The following FEZF2 variants were observed in gnomAD, a reference collection of about 807,000 sequenced individuals.
FEZF2 encodes the protein FEZ family zinc finger 2, also known as fez family zinc finger protein 2.
In FEZF2, 2 loss-of-function variants were observed where a neutral mutation model predicts 32.8. That is an observed-to-expected ratio of 0.06 (90% CI 0.02 to 0.19). The LOEUF is 0.19. Among genes scored for constraint, FEZF2 ranks in the 10% least tolerant of loss-of-function variants. FEZF2 has a pLI of 1.00. For missense variants in FEZF2, 516 were observed against 625.4 expected, an observed-to-expected ratio of 0.83 and a Z score of 1.87; for synonymous variants, 322 against 284.8, an observed-to-expected ratio of 1.13 and a Z score of -1.32.
Position 62,370,410 on chromosome 3 carries a change from TCCCAGGGGCAG to T in FEZF2, c.1121-79_1121-69del. The stretch of plus-strand genomic sequence containing the variant: ...AATGGTGGGGAGGAAGAGGCGGGCG[TCCCAGGGGCAG>T]CCCAGGTGCCTGCTCAAAAAAGGCG... On this transcript the variant is annotated intron_variant, in intron 4 of 4. Coordinates refer to ENST00000283268, the MANE Select transcript of FEZF2 (RefSeq NM_018008.4). This position sits in a 1 kb window ranked among gnomAD's most constrained non-coding sequence, Gnocchi z 4.2. 6.4e-7 allele frequency: 1 copy of T among 1,559,962 alleles called. No homozygotes were observed. Among genetic ancestry groups the T allele is most frequent in the South Asian group, 1.2e-5 (1 of 86,600 alleles).
Position 62,370,095 on chromosome 3 carries a change from T to G in FEZF2, c.1368A>C (p.Thr456=), listed in dbSNP as rs1704248542. 3 of 1,614,216 alleles carry G rather than the reference T, an allele frequency of 1.9e-6. No homozygotes were observed. The highest frequency in any genetic ancestry group is 2.5e-6 in the Non-Finnish European group (3 of 1,180,024). The change falls in exon 5 of 5, where the codon ACA becomes ACC. Residue 456 remains threonine (T), a synonymous_variant. Transcript: ENST00000283268. This position sits in a 1 kb window ranked among gnomAD's most constrained non-coding sequence, Gnocchi z 4.2. ...AAGGCAGTAGCTCTCAGCTCTGCAC[T>G]GTCCTAGTCAGGTCCTTTGCGGAGG... The part of the protein sequence containing the change: ...AAPSAKDLTR[T]VQS
Position 62,372,477 on chromosome 3 carries a change from C to T in FEZF2, c.392G>A (p.Cys131Tyr), listed in dbSNP as rs755037344. Residue 131 changes from cysteine (C) to tyrosine (Y), a missense_variant, in exon 2 of 5, where the codon TGT (cysteine) becomes TAT (tyrosine). Physicochemically the swap from Cys to Tyr is radical, Grantham distance 194 (BLOSUM62 -2). Coordinates refer to ENST00000283268, the MANE Select transcript of FEZF2 (RefSeq NM_018008.4). This position sits in a 1 kb window ranked among gnomAD's most constrained non-coding sequence, Gnocchi z 9.6. ...CGASGLCKTNCGVCCKAELGL... is the reference protein window; with the variant it reads ...CGASGLCKTNYGVCCKAELGL... The stretch of plus-strand genomic sequence containing the variant: ...CAGCTCGGCCTTGCAGCACACGCCA[C>T]AGTTGGTTTTGCACAAGCCGCTGGC... 1.3e-6 allele frequency: 2 copies of T among 1,580,532 alleles called. No individual in the cohort carries two copies. Among genetic ancestry groups the T allele is most frequent in the Non-Finnish European group, 1.7e-6 (2 of 1,165,972 alleles).
Position 62,372,789 on chromosome 3 carries a change from G to A in FEZF2, c.80C>T (p.Thr27Ile). 1.9e-6 allele frequency: 3 copies of A among 1,590,024 alleles called. No individual in the cohort carries two copies. The highest frequency in any genetic ancestry group is 2.6e-6 in the Non-Finnish European group (3 of 1,167,360). ...RAGASPATSK[T>I]LAFSIERIMA... ...GATGCGCTCGATGGAAAAGGCCAGTGTCTTGGAAGTGGCCGGCGACGCTCC... is the reference window on the plus strand; with the variant it reads ...GATGCGCTCGATGGAAAAGGCCAGTATCTTGGAAGTGGCCGGCGACGCTCC... The change falls in exon 2 of 5, where the codon ACA becomes ATA. Residue 27 changes from threonine to isoleucine, a missense_variant. Thr to Ile is a moderately conservative substitution (Grantham distance 89, BLOSUM62 -1). Around this residue, in one of 3 missense-constraint regions of FEZF2, gnomAD observed 408 missense variants for 382.2 expected, o/e 1.07. Transcript: ENST00000283268. The surrounding 1 kb of genome is among the most constrained non-coding windows in gnomAD (Gnocchi z 9.6).
In FEZF2 at chr3:62,372,342, T is replaced by C; in HGVS notation, c.527A>G (p.Asp176Gly). The C allele has an allele frequency of 6.2e-7, 1 of 1,610,260 alleles. No individual in the cohort carries two copies. The highest frequency in any genetic ancestry group is 8.5e-7 in the Non-Finnish European group (1 of 1,179,600). ...SGSLYYFNYL[D>G]STAYPPSELL... Reference sequence around the variant, plus strand: ...CTCAGACGGCGGGTACGCGGTCGAGTCCAGGTAGTTGAAGTAGTAGAGCGA... The same window carrying C: ...CTCAGACGGCGGGTACGCGGTCGAGCCCAGGTAGTTGAAGTAGTAGAGCGA... Residue 176 changes from aspartate to glycine, a missense_variant, in exon 2 of 5, where the codon GAC (aspartate) becomes GGC (glycine). Transcript: ENST00000283268. The surrounding 1 kb of genome is among the most constrained non-coding windows in gnomAD (Gnocchi z 9.6).
Position 62,372,821 on chromosome 3 carries a change from C to T in FEZF2, c.48G>A (p.Pro16=), listed in dbSNP as rs1410978295. 3 of 1,516,048 alleles carry T rather than the reference C, an allele frequency of 2.0e-6. No homozygotes were observed. The highest frequency in any genetic ancestry group is 2.7e-6 in the Non-Finnish European group (3 of 1,125,952). 93.9% of individuals were successfully genotyped at this position (1,516,048 alleles called of 1,614,324 possible). The part of the protein sequence containing the change: ...SLETMVPPAC[P]RAGASPATSK... ...AAGTGGCCGGCGACGCTCCGGCGCG[C>T]GGGCAGGCCGGGGGCACCATGGTCT... The change falls in exon 2 of 5, where the codon CCG becomes CCA. Residue 16 remains proline, a synonymous_variant. Coordinates refer to ENST00000283268, the MANE Select transcript of FEZF2 (RefSeq NM_018008.4). The surrounding 1 kb of genome is among the most constrained non-coding windows in gnomAD (Gnocchi z 9.6).
rs1213806704 is a variant in FEZF2, at chr3:62,372,071, T to A, written c.798A>T (p.Pro266=). The part of the protein sequence containing the change: ...RGGVKGHSKL[P]GGSADGKPKN... ...TGGGCTTGCCATCTGCGGAGCCTCCTGGCAGCTTGCTGTGGCCCTTGACGC... is the reference window on the plus strand; with the variant it reads ...TGGGCTTGCCATCTGCGGAGCCTCCAGGCAGCTTGCTGTGGCCCTTGACGC... The change falls in exon 2 of 5, where the codon CCA becomes CCT. Residue 266 remains proline (P), a synonymous_variant. Transcript: ENST00000283268. This position sits in a 1 kb window ranked among gnomAD's most constrained non-coding sequence, Gnocchi z 9.6. 1.2e-6 allele frequency: 2 copies of A among 1,609,332 alleles called. No homozygotes were observed. Among genetic ancestry groups the A allele is most frequent in the Non-Finnish European group, 1.7e-6 (2 of 1,178,904 alleles).
At chr3:62,371,733 G>T (rs1003033668) in intron 2 of FEZF2, 66 bp from the exon 3 acceptor site, 2 of 1,549,992 alleles carry the variant, frequency 1.3e-6, no homozygotes, top group Non-Finnish European at 8.7e-7. Context: ...CCCCGGGGGG[G>T]CCACAGCCTA....
intron 2 of FEZF2, 95 bp from the exon 3 acceptor site, chr3:62,371,762 C>G: frequency 1.3e-6 from 2 of 1,515,296 alleles, no homozygotes; most frequent in East Asian, 4.5e-5. Context: ...AACCAACACC[C>G]CCTTCAGAAA....
In FEZF2 at chr3:62,369,791, G is replaced by A. The variant is rs1403859176; in HGVS notation, c.*292C>T. On this transcript the variant is annotated 3_prime_UTR_variant, in exon 5 of 5. Coordinates refer to ENST00000283268, the MANE Select transcript of FEZF2 (RefSeq NM_018008.4). The surrounding 1 kb of genome is among the most constrained non-coding windows in gnomAD (Gnocchi z 4.2). The stretch of plus-strand genomic sequence containing the variant: ...GCCGCGCTCTTCTGGGGCGCTCACG[G>A]TGACAGGCTGGGGTTAAAACTGGCT... The A allele has an allele frequency of 2.7e-6, 1 of 375,386 alleles. No homozygotes were observed. The highest frequency in any genetic ancestry group is 4.8e-6 in the Non-Finnish European group (1 of 207,800). 23.3% of individuals were successfully genotyped at this position (375,386 alleles called of 1,614,324 possible). A position where few individuals can be genotyped will look rare whatever the true frequency, so the allele number is the denominator to read the frequency against.
intron 3 of FEZF2, 62 bp downstream of exon 3, chr3:62,371,471 G>A (rs71296764): frequency 0.071 from 112,258 of 1,579,662 alleles, 4,745 homozygotes; most frequent in Non-Finnish European, 0.082. Flanking sequence ...TCGTATCCCC[G>A]GTGTTATCAC....
chr3:62,370,915 A>C lies in FEZF2; in HGVS notation c.1120+302T>G, dbSNP rs149218539. Among the ~76,000 whole-genome samples, 6 of 152,158 alleles carry C rather than the reference A, an allele frequency of 3.9e-5. No individual in the cohort carries two copies. In the East Asian group the frequency reaches 1.2e-3, roughly 30 times the overall value. On this transcript the variant is annotated intron_variant, in intron 4 of 4. Coordinates refer to ENST00000283268, the MANE Select transcript of FEZF2 (RefSeq NM_018008.4). The surrounding 1 kb of genome is among the most constrained non-coding windows in gnomAD (Gnocchi z 4.2). Reference sequence around the variant, plus strand: ...AAGGGAAGTTCCGGATACAAAAGGAACCTTTTTCTATAGGGCAATACCCTC... The same window carrying C: ...AAGGGAAGTTCCGGATACAAAAGGACCCTTTTTCTATAGGGCAATACCCTC...
chr3:62,372,945 A>AG lies in FEZF2; in HGVS notation c.-58-20dup. 7.7e-7 allele frequency: 1 copy of AG among 1,304,482 alleles called. No individual in the cohort carries two copies. The allele number at this position is 1,304,482 out of a possible 1,614,324, so 80.8% of individuals were successfully genotyped here. A position where few individuals can be genotyped will look rare whatever the true frequency, so the allele number is the denominator to read the frequency against. The stretch of plus-strand genomic sequence containing the variant: ...TCTAAGTCTGCATTCCGGAAAAGGC[A>AG]GGGGGGAAAACTGCAATTTAATAAG... On this transcript the variant is annotated intron_variant, in intron 1 of 4. Transcript: ENST00000283268. This position sits in a 1 kb window ranked among gnomAD's most constrained non-coding sequence, Gnocchi z 9.6.
chr3:62,369,975 T>G lies in FEZF2; in HGVS notation c.*108A>C, dbSNP rs1370228493. Reference sequence around the variant, plus strand: ...TATGCTGGTTTCGATAAATAGATTTTAGCCTCTCTGCTATAGTTTTTTTTT... The same window carrying G: ...TATGCTGGTTTCGATAAATAGATTTGAGCCTCTCTGCTATAGTTTTTTTTT... On this transcript the variant is annotated 3_prime_UTR_variant, in exon 5 of 5. Transcript: ENST00000283268. This position sits in a 1 kb window ranked among gnomAD's most constrained non-coding sequence, Gnocchi z 4.2. 5.3e-6 allele frequency: 7 copies of G among 1,317,172 alleles called. No individual in the cohort carries two copies. Among genetic ancestry groups the G allele is most frequent in the African/African-American group, 1.5e-5 (1 of 67,314 alleles). 81.6% of individuals were successfully genotyped at this position (1,317,172 alleles called of 1,614,324 possible). A position where few individuals can be genotyped will look rare whatever the true frequency, so the allele number is the denominator to read the frequency against.
chr3:62,371,253 C>T lies in FEZF2; in HGVS notation c.1084G>A (p.Val362Ile), dbSNP rs760244679. ...IRIHAGYKPFVCEFCGKGFHQ... is the reference protein window; with the variant it reads ...IRIHAGYKPFICEFCGKGFHQ... ...AAGCCTTTGCCGCAAAATTCGCAGACGAAGGGCTTGTAGCCCGCGTGGATG... is the reference window on the plus strand; with the variant it reads ...AAGCCTTTGCCGCAAAATTCGCAGATGAAGGGCTTGTAGCCCGCGTGGATG... Residue 362 changes from valine to isoleucine, a missense_variant, in exon 4 of 5, where the codon GTC (valine) becomes ATC (isoleucine). Physicochemically the swap from Val to Ile is conservative, Grantham distance 29. Coordinates refer to ENST00000283268, the MANE Select transcript of FEZF2 (RefSeq NM_018008.4). 1.9e-6 allele frequency: 3 copies of T among 1,614,142 alleles called. No homozygotes were observed. The highest frequency in any genetic ancestry group is 2.5e-6 in the Non-Finnish European group (3 of 1,180,054).
intron 2 of FEZF2, 30 bp from the exon 3 acceptor site, chr3:62,371,697 G>A: frequency 6.3e-7 from 1 of 1,590,884 alleles, no homozygotes; most frequent in Non-Finnish European, 8.6e-7. Context: ...GCCTTGTGGT[G>A]CGTCTGTCCG....
At position 62,370,374 on chromosome 3, in the gene FEZF2, G is replaced by A. The variant is rs1237677047; in HGVS notation, c.1121-32C>T. On this transcript the variant is annotated intron_variant, in intron 4 of 4. Coordinates refer to ENST00000283268, the MANE Select transcript of FEZF2 (RefSeq NM_018008.4). This position sits in a 1 kb window ranked among gnomAD's most constrained non-coding sequence, Gnocchi z 4.2. ...CAGATCAAGAACAAAAAACGTGGGG[G>A]TATGGAGTAGAATGGTGGGGAGGAA... The A allele has an allele frequency of 1.2e-6, 2 of 1,609,958 alleles. No individual in the cohort carries two copies. The highest frequency in any genetic ancestry group is 1.7e-6 in the Non-Finnish European group (2 of 1,177,152).
rs746586085 is a variant in FEZF2, at chr3:62,372,738, G to T, written c.131C>A (p.Ala44Glu). Residue 44 changes from alanine (A) to glutamate (E), a missense_variant, in exon 2 of 5, where the codon GCG (alanine) becomes GAG (glutamate). This residue lies in a region of FEZF2 where 408 missense variants were observed against 382.2 expected (regional missense o/e 1.07). Transcript: ENST00000283268. This position sits in a 1 kb window ranked among gnomAD's most constrained non-coding sequence, Gnocchi z 9.6. ...RIMAKTSEPRAPFEPRPGALE... is the reference protein window; with the variant it reads ...RIMAKTSEPREPFEPRPGALE... Reference sequence around the variant, plus strand: ...CGCTCCAGGCCGGGGCTCAAAGGGCGCACGGGGCTCCGACGTCTTGGCCAT... The same window carrying T: ...CGCTCCAGGCCGGGGCTCAAAGGGCTCACGGGGCTCCGACGTCTTGGCCAT... 18 of 1,608,554 alleles carry T rather than the reference G, an allele frequency of 1.1e-5. No homozygotes were observed. In the African/African-American group the frequency reaches 1.3e-4, roughly 12 times the overall value.
chr3:62,371,799 G>A (rs1236944803), intron 2 of FEZF2, 132 bp from the exon 3 acceptor site: 3 of 1,434,478 alleles, frequency 2.1e-6, no homozygotes, highest in East Asian at 2.4e-5. Context: ...TTTGTAAAGT[G>A]CTGCCCAAAC....
Position 62,370,833 on chromosome 3 carries a change from C to T in FEZF2, c.1120+384G>A, listed in dbSNP as rs1425730466. On this transcript the variant is annotated intron_variant, in intron 4 of 4. Coordinates refer to ENST00000283268, the MANE Select transcript of FEZF2 (RefSeq NM_018008.4). This position sits in a 1 kb window ranked among gnomAD's most constrained non-coding sequence, Gnocchi z 4.2. ...AGGGGCCAAGGATCATACCGGTTTC[C>T]CCCAATCTTAGATTGTTCCCGGGAG... Among the ~76,000 whole-genome samples, 3 of 152,206 alleles carry T rather than the reference C, an allele frequency of 2.0e-5. No homozygotes were observed. The highest frequency in any genetic ancestry group is 7.2e-5 in the African/African-American group (3 of 41,450).
Sources: gnomAD v4.1 joint callset for allele counts (sites outside exome capture counted in the v4.1 genomes callset) on GRCh38, gnomAD v4.1.1 for gene constraint, gnomAD v4.1.1 regional missense constraint, Gnocchi (gnomAD v3.1) non-coding constraint, MANE v1.5 for transcripts, NCBI Gene and HGNC (gene_info 2026-07-23, HGNC 2026-07-21) for gene names.